CLBA1: variants seen among roughly 807,000 people sequenced by gnomAD.
CLBA1 encodes the protein uncharacterized protein CLBA1.
CLBA1 carries 30 observed loss-of-function variants against 28.8 expected under a neutral mutation model. The ratio of observed to expected loss-of-function variants is 1.04; its 90% CI spans 0.78 to 1.41. The LOEUF is 1.41. CLBA1 is among the 40% of genes most tolerant of loss of function. CLBA1 has a pLI of 0.00. For synonymous variants in CLBA1, 160 were observed against 152.8 expected (o/e 1.05, Z -0.35); for missense variants, 451 against 412.3 (o/e 1.09, Z -0.81).
chr14:104,989,907 G>A (rs1595442922), intron 2 of CLBA1: 2 of 354,036 alleles, frequency 5.6e-6, no homozygotes, highest in East Asian at 7.5e-5. Flanking sequence ...CTCCAGCCCT[G>A]GCCCACCGTG....
chr14:104,999,762 G>A (rs1287412155), downstream of CLBA1, among the ~76,000 whole-genome samples: 1 of 152,236 alleles, frequency 6.6e-6, no homozygotes, highest in Admixed American at 6.5e-5. Context: ...ACTGAATAAT[G>A]AAAATGGCAC....
At chr14:104,989,158 G>C (rs1899949928) in intron 2 of CLBA1, 70 bp downstream of exon 2, 2 of 1,523,744 alleles carry the variant, frequency 1.3e-6, no homozygotes, top group South Asian at 1.2e-5. Context: ...GTAGGTGTGT[G>C]AGGCTTTGTT....
At chr14:104,999,939 G>A (rs1212801217), downstream of CLBA1, among the ~76,000 whole-genome samples, 1 of 152,154 alleles carries the variant, frequency 6.6e-6, no homozygotes, top group East Asian at 1.9e-4. Context: ...AAAACTGAGT[G>A]CCAAAATCAA....
At position 104,994,297 on chromosome 14, in the gene CLBA1, T is replaced by C. The variant is rs1900114328; in HGVS notation, c.817-301T>C. 8.1e-6 allele frequency: 8 copies of C among 985,352 alleles called. No homozygotes were observed. In the South Asian group the frequency reaches 2.3e-4, roughly 29 times the overall value. 61.0% of individuals were successfully genotyped at this position (985,352 alleles called of 1,614,324 possible). A position where few individuals can be genotyped will look rare whatever the true frequency, so the allele number is the denominator to read the frequency against. On this transcript the variant is annotated intron_variant, in intron 4 of 4. Coordinates refer to ENST00000547315, the MANE Select transcript of CLBA1 (RefSeq NM_174891.4). ...GTGAGTGTGCAGGGTAGTGGCAGCC[T>C]CCACCAGGGAGTGCCAGACACGTAG...
chr14:104,995,626 C>T (rs777428171), downstream of CLBA1: 1 of 415,258 alleles, frequency 2.4e-6, no homozygotes, highest in Non-Finnish European at 3.2e-6. Context: ...CTTTTCCTGC[C>T]AAGGCCACAC....
At chr14:104,994,042 G>T in intron 4 of CLBA1, 2 of 985,314 alleles carry the variant, frequency 2.0e-6, no homozygotes, top group Non-Finnish European at 2.4e-6. Flanking sequence ...CAGCACACAG[G>T]TGACAGGCGA....
Position 104,995,411 on chromosome 14 carries a change from G to A in CLBA1, c.*652G>A. The A allele has an allele frequency of 1.0e-6, 1 of 985,432 alleles. No homozygotes were observed. The highest frequency in any genetic ancestry group is 1.7e-5 in the African/African-American group (1 of 57,350). 61.0% of individuals were successfully genotyped at this position (985,432 alleles called of 1,614,324 possible). A position where few individuals can be genotyped will look rare whatever the true frequency, so the allele number is the denominator to read the frequency against. On this transcript the variant is annotated 3_prime_UTR_variant, in exon 5 of 5. Coordinates refer to ENST00000547315, the MANE Select transcript of CLBA1 (RefSeq NM_174891.4). ...TGCGAGAGCCTCTGGTGGGCCCGTG[G>A]CTTCCCCCAGTTATCTGCTAAGGAA...
chr14:104,986,934 C>T (rs1196626005), intron 1 of CLBA1, 80 bp downstream of exon 1: 5 of 1,498,304 alleles, frequency 3.3e-6, no homozygotes, highest in African/African-American at 1.4e-5. Flanking sequence ...AATGCTGTGG[C>T]GTGCTGGCCA....
chr14:104,994,960 G>A lies in CLBA1; in HGVS notation c.*201G>A. On this transcript the variant is annotated 3_prime_UTR_variant, in exon 5 of 5. Transcript: ENST00000547315. ...GAGGATGTGTCCTTGGCAGAGCCAA[G>A]GGGAGACAGAGGTTTCTGGATGCCA... The A allele has an allele frequency of 7.9e-7, 1 of 1,259,670 alleles. No homozygotes were observed. The highest frequency in any genetic ancestry group is 1.0e-6 in the Non-Finnish European group (1 of 1,001,474). 78.0% of individuals were successfully genotyped at this position (1,259,670 alleles called of 1,614,324 possible). A position where few individuals can be genotyped will look rare whatever the true frequency, so the allele number is the denominator to read the frequency against.
chr14:104,998,979 G>C (rs1302628973), downstream of CLBA1, among the ~76,000 whole-genome samples: 2 of 152,262 alleles, frequency 1.3e-5, no homozygotes, highest in South Asian at 4.1e-4. Context: ...GCTGTCTGCA[G>C]TCAGTGCTGA....
chr14:104,994,737 T>A lies in CLBA1; in HGVS notation c.956T>A (p.Leu319His). Residue 319 changes from leucine to histidine, a missense_variant, in exon 5 of 5, where the codon CTC becomes CAC. Physicochemically the swap from Leu to His is moderately conservative, Grantham distance 99 (BLOSUM62 -3). Transcript: ENST00000547315. The stretch of plus-strand genomic sequence containing the variant: ...ACTCCACGCAAGCTCAAACTGACAC[T>A]CTTTAATAGCGACGTTTGCTAAAAT... ...MFTPRKLKLT[L>H]FNSDVC 1 of 1,602,224 alleles carries A rather than the reference T, an allele frequency of 6.2e-7. No homozygotes were observed. The highest frequency in any genetic ancestry group is 8.5e-7 in the Non-Finnish European group (1 of 1,176,132).
At chr14:104,991,279 C>G (rs982603493) in intron 2 of CLBA1, 1 of 434,294 alleles carries the variant, frequency 2.3e-6, no homozygotes, top group African/African-American at 2.1e-5. Context: ...CAGCCTCAGC[C>G]TCCCAAAGTG....
Position 104,995,095 on chromosome 14 carries a change from G to C in CLBA1, c.*336G>C. Reference sequence around the variant, plus strand: ...GGATGGACCCTGGGCATGGCTTCTGGGCTGCTTAGTCCAGGGGGAGCAACT... The same window carrying C: ...GGATGGACCCTGGGCATGGCTTCTGCGCTGCTTAGTCCAGGGGGAGCAACT... On this transcript the variant is annotated 3_prime_UTR_variant, in exon 5 of 5. Transcript: ENST00000547315. The C allele has an allele frequency of 9.8e-7, 1 of 1,016,450 alleles. No homozygotes were observed. The highest frequency in any genetic ancestry group is 1.2e-6 in the Non-Finnish European group (1 of 850,486). The allele number at this position is 1,016,450 out of a possible 1,614,324, so 63.0% of individuals were successfully genotyped here.
intron 2 of CLBA1, chr14:104,989,732 G>A (rs1899967004): frequency 4.4e-6 from 2 of 454,562 alleles, no homozygotes; most frequent in South Asian, 3.1e-5. Context: ...GGCCCCAGAG[G>A]GAGGAGGGAA....
intron 3 of CLBA1, 66 bp from the exon 4 acceptor site, chr14:104,992,880 CAG>C (rs1374090933): frequency 3.2e-6 from 4 of 1,266,764 alleles, no homozygotes; most frequent in East Asian, 2.3e-5. Context: ...TAGAGGGGCT[CAG>C]GGGAAAAGGA....
intron 4 of CLBA1, chr14:104,993,450 G>A (rs1212353712): frequency 1.0e-6 from 1 of 985,314 alleles, no homozygotes. Flanking sequence ...CTGGGCAGCT[G>A]TCGTGAACGG....
Position 104,989,150 on chromosome 14 carries a change from A to G in CLBA1, c.569+62A>G, listed in dbSNP as rs1377173271. The stretch of plus-strand genomic sequence containing the variant: ...TTTTGTACTTTTGTTTGATAAAAGT[A>G]GGTGTGTGAGGCTTTGTTTTTGCCT... On this transcript the variant is annotated intron_variant, in intron 2 of 4. Coordinates refer to ENST00000547315, the MANE Select transcript of CLBA1 (RefSeq NM_174891.4). The G allele has an allele frequency of 2.7e-5, 42 of 1,540,638 alleles. 1 individual carries two copies. The East Asian group carries it at 9.3e-4, about 34-fold the overall frequency.
At chr14:104,992,008 G>C (rs1364545867) in intron 3 of CLBA1, among the ~76,000 whole-genome samples, 1 of 88,454 alleles carries the variant, frequency 1.1e-5, no homozygotes, top group African/African-American at 4.6e-5. Flanking sequence ...CACACCTCAC[G>C]CCACCACATG....
chr14:104,989,533 C>G (rs1379832251), intron 2 of CLBA1: 1 of 454,094 alleles, frequency 2.2e-6, no homozygotes, highest in Non-Finnish European at 4.4e-6. Context: ...ATTGTCAGCC[C>G]CAGGCCCAGC....
Sources: gnomAD v4.1 joint callset for allele counts (sites outside exome capture counted in the v4.1 genomes callset) on GRCh38, gnomAD v4.1.1 for gene constraint, MANE v1.5 for transcripts, NCBI Gene and HGNC (gene_info 2026-07-23, HGNC 2026-07-21) for gene names.